SLC4A4: variants seen among roughly 807,000 people sequenced by gnomAD.
SLC4A4 encodes the protein solute carrier family 4 member 4.
A neutral mutation model predicts 111.5 loss-of-function variants in SLC4A4; 27 were observed. The observed-to-expected ratio is 0.24, with a 90% CI of 0.18 to 0.33. SLC4A4 has a LOEUF of 0.33. Ranked by LOEUF, SLC4A4 falls within the 10% of genes least tolerant of loss-of-function variation. The probability of loss-of-function intolerance (pLI) is 1.00; values close to 1 mark genes in which losing one functional copy is unlikely to be tolerated. For missense variants in SLC4A4, 909 were observed against 1,315.5 expected, an observed-to-expected ratio of 0.69 and a Z score of 4.78; for synonymous variants, 443 against 463.4, an observed-to-expected ratio of 0.96 and a Z score of 0.57.
At chr4:71,466,414 C>A (rs1391720560) in intron 12 of SLC4A4, 30 bp from the exon 13 acceptor site, 2 of 1,612,420 alleles carry the variant, frequency 1.2e-6, no homozygotes, top group Admixed American at 1.7e-5. Context: ...AGATGTGTTT[C>A]ATTTAACATC....
intron 7 of SLC4A4, among the ~76,000 whole-genome samples, chr4:71,408,680 C>G (rs985318187): frequency 6.6e-6 from 1 of 152,192 alleles, no homozygotes; most frequent in African/African-American, 2.4e-5. Flanking sequence ...TTTCTCTCTA[C>G]TTTTCCAAGT....
chr4:71,373,071 C>T (rs1425131156), intron 6 of SLC4A4, among the ~76,000 whole-genome samples: 2 of 152,088 alleles, frequency 1.3e-5, no homozygotes, highest in African/African-American at 4.8e-5. Flanking sequence ...TAATTTTTCT[C>T]TGGCTCTAGG....
chr4:71,536,971 C>A (rs574398661), intron 18 of SLC4A4, among the ~76,000 whole-genome samples: 151 of 151,446 alleles, frequency 1.0e-3, no homozygotes, highest in South Asian at 3.8e-3. Context: ...CATATCCTTT[C>A]TTATATGTAT....
At chr4:71,428,588 G>A (rs1295178044) in intron 7 of SLC4A4, among the ~76,000 whole-genome samples, 5 of 151,918 alleles carry the variant, frequency 3.3e-5, no homozygotes, top group Admixed American at 6.6e-5. Context: ...TGAAAAATAA[G>A]AGCTGAAAAT....
intron 2 of SLC4A4, among the ~76,000 whole-genome samples, chr4:71,156,956 A>AT (rs1744494598): frequency 6.6e-6 from 1 of 152,158 alleles, no homozygotes; most frequent in Admixed American, 6.6e-5. Context: ...CTAAATTGAG[A>AT]TTCAGAATGG....
At chr4:71,292,733 A>C (rs1724450563) in intron 3 of SLC4A4, among the ~76,000 whole-genome samples, 1 of 152,212 alleles carries the variant, frequency 6.6e-6, no homozygotes, top group Non-Finnish European at 1.5e-5. Context: ...TAGGCGGGAA[A>C]AAATGAGAGG....
intron 3 of SLC4A4, among the ~76,000 whole-genome samples, chr4:71,314,878 A>G (rs1726549871): frequency 6.6e-6 from 1 of 152,116 alleles, no homozygotes; most frequent in Non-Finnish European, 1.5e-5. Context: ...GCACATGTAT[A>G]CCTATGTAAC....
At chr4:71,555,420 GT>G (rs368633709) in intron 21 of SLC4A4, among the ~76,000 whole-genome samples, 2 of 152,026 alleles carry the variant, frequency 1.3e-5, no homozygotes, top group Non-Finnish European at 2.9e-5. Context: ...CATACCCATT[GT>G]TTAAATAGGC....
intron 2 of SLC4A4, among the ~76,000 whole-genome samples, chr4:71,159,151 A>G (rs1744555423): frequency 6.6e-6 from 1 of 152,232 alleles, no homozygotes; most frequent in Non-Finnish European, 1.5e-5. Flanking sequence ...TGAAAATGGT[A>G]TCATGCCTTG....
chr4:71,293,794 A>T (rs1228744300), intron 3 of SLC4A4, among the ~76,000 whole-genome samples: 1 of 152,116 alleles, frequency 6.6e-6, no homozygotes, highest in Middle Eastern at 3.2e-3. Flanking sequence ...TTTTCTTTCC[A>T]CCTCATGTGT....
chr4:71,342,525 C>A (rs1728977117), intron 4 of SLC4A4, among the ~76,000 whole-genome samples: 1 of 152,136 alleles, frequency 6.6e-6, no homozygotes, highest in Non-Finnish European at 1.5e-5. Context: ...TCCTCCCTAA[C>A]ATTATATATA....
Position 71,103,547 on chromosome 4 carries a change from A to G in SLC4A4, c.-2+10755A>G, listed in dbSNP as rs1463953787. Among the ~76,000 whole-genome samples, 120 of 152,346 alleles carry G rather than the reference A, an allele frequency of 7.9e-4. 2 individuals are homozygous for G. The highest frequency in any genetic ancestry group is 1.9e-4 in the East Asian group (1 of 5,190). ...TAAAGCTCTCCTCAGCAAATGTAAA[A>G]GAACAGAGATTGTAACAAACTATCT... On this transcript the variant is annotated intron_variant, in intron 2 of 26. Coordinates refer to the SLC4A4 transcript ENST00000649996.
intron 2 of SLC4A4, among the ~76,000 whole-genome samples, chr4:71,253,996 A>T (rs1276755673): frequency 6.6e-6 from 1 of 152,166 alleles, no homozygotes; most frequent in Non-Finnish European, 1.5e-5. Flanking sequence ...CCTGCCAATT[A>T]TGGTGTTTTT....
chr4:71,245,190 A>AGTTCT (rs1338896833), intron 2 of SLC4A4, among the ~76,000 whole-genome samples: 1 of 152,154 alleles, frequency 6.6e-6, no homozygotes, highest in African/African-American at 2.4e-5. Flanking sequence ...ACAGGGGGAG[A>AGTTCT]GTTCTGAGGT....
At position 71,309,875 on chromosome 4, in the gene SLC4A4, T is replaced by G. The variant is rs904474934; in HGVS notation, c.254-29495T>G. Reference sequence around the variant, plus strand: ...GTAGGCTTCAGAAAGTGGGTAATAATAAACCCCTCTGAGCTAAAGAAGCAT... The same window carrying G: ...GTAGGCTTCAGAAAGTGGGTAATAAGAAACCCCTCTGAGCTAAAGAAGCAT... On this transcript the variant is annotated intron_variant, in intron 3 of 25. Transcript: ENST00000264485. 2.6e-5 allele frequency among the ~76,000 whole-genome samples: 4 copies of G among 151,778 alleles called. No individual in the cohort carries two copies. In the South Asian group the frequency reaches 6.2e-4, roughly 24 times the overall value.
At chr4:71,283,635 T>G (rs1221179293) in intron 3 of SLC4A4, among the ~76,000 whole-genome samples, 1 of 152,212 alleles carries the variant, frequency 6.6e-6, no homozygotes, top group African/African-American at 2.4e-5. Context: ...TTTCTTTCCT[T>G]AAGAGTAATT....
intron 16 of SLC4A4, among the ~76,000 whole-genome samples, chr4:71,498,000 T>C (rs1730568995): frequency 6.6e-6 from 1 of 152,148 alleles, no homozygotes; most frequent in Non-Finnish European, 1.5e-5. Flanking sequence ...AAAATACCTT[T>C]TAAATTCATT....
intron 2 of SLC4A4, among the ~76,000 whole-genome samples, chr4:71,105,454 G>A (rs1308413737): frequency 4.6e-5 from 7 of 151,386 alleles, no homozygotes; most frequent in South Asian, 2.1e-4. Flanking sequence ...AAAAGAGCCC[G>A]CATCGCCAAG....
Position 71,568,281 on chromosome 4 carries a change from G to A in SLC4A4, c.*530G>A. On this transcript the variant is annotated 3_prime_UTR_variant, in exon 26 of 26. Coordinates refer to ENST00000264485, the MANE Select transcript of SLC4A4 (RefSeq NM_001098484.3). The stretch of plus-strand genomic sequence containing the variant: ...TTTAGCTTTGGAGCTGTGCTTACTG[G>A]CTTGTCTTTGTCTGGTAGAACAAAC... 1 of 172,808 alleles carries A rather than the reference G, an allele frequency of 5.8e-6. No homozygotes were observed. Among genetic ancestry groups the A allele is most frequent in the South Asian group, 1.3e-4 (1 of 7,426 alleles). 10.7% of individuals were successfully genotyped at this position (172,808 alleles called of 1,614,324 possible).
Sources: gnomAD v4.1 joint callset for allele counts (sites outside exome capture counted in the v4.1 genomes callset) on GRCh38, gnomAD v4.1.1 for gene constraint, MANE v1.5 for transcripts, NCBI Gene and HGNC (gene_info 2026-07-23, HGNC 2026-07-21) for gene names.